CTNNA2: variants seen among roughly 807,000 people sequenced by gnomAD.
CTNNA2 encodes catenin alpha 2, also known as catenin alpha-2.
CTNNA2 carries 42 observed loss-of-function variants against 101.0 expected under a neutral mutation model. The observed-to-expected ratio is 0.42, with a 90% CI of 0.32 to 0.54. The LOEUF (loss-of-function observed/expected upper bound fraction) is 0.54, where lower values mean the gene tolerates loss of function less well. CTNNA2 is among the 20% of genes least tolerant of loss of function. The pLI, the probability that CTNNA2 is intolerant of heterozygous loss-of-function variation, is 0.14. For synonymous variants in CTNNA2, 450 were observed against 456.4 expected (o/e 0.99, Z 0.18); for missense variants, 871 against 1,223.1 (o/e 0.71, Z 4.29).
intron 7 of CTNNA2, among the ~76,000 whole-genome samples, chr2:80,052,849 C>T (rs930622790): frequency 1.2e-4 from 18 of 152,168 alleles, no homozygotes; most frequent in Admixed American, 9.2e-4. Context: ...GAAGCAGCTT[C>T]GGAGGTGTCC....
chr2:80,604,811 C>G (rs567521872), intron 16 of CTNNA2, among the ~76,000 whole-genome samples: 2 of 151,664 alleles, frequency 1.3e-5, no homozygotes, highest in Admixed American at 6.6e-5. Flanking sequence ...AAAAAGTTGT[C>G]GCGGACTCTA....
At chr2:79,862,174 C>T (rs745379730) in intron 4 of CTNNA2, among the ~76,000 whole-genome samples, 4 of 152,188 alleles carry the variant, frequency 2.6e-5, no homozygotes, top group African/African-American at 4.8e-5. Context: ...AGGCTAGATC[C>T]TGGGATAATA....
intron 7 of CTNNA2, among the ~76,000 whole-genome samples, chr2:80,032,621 T>C (rs919060878): frequency 1.3e-5 from 2 of 152,156 alleles, no homozygotes; most frequent in Admixed American, 1.3e-4. Context: ...AAACAATTAG[T>C]GCAAAGATCA....
At chr2:79,393,511 A>G (rs1255582470) in intron 4 of CTNNA2, among the ~76,000 whole-genome samples, 1 of 151,780 alleles carries the variant, frequency 6.6e-6, no homozygotes, top group Non-Finnish European at 1.5e-5. Context: ...AAAGTCTAAA[A>G]TATTTACCAT....
chr2:79,395,150 A>G (rs1446356088), intron 4 of CTNNA2, among the ~76,000 whole-genome samples: 1 of 152,148 alleles, frequency 6.6e-6, no homozygotes, highest in Non-Finnish European at 1.5e-5. Context: ...AGTGGTAGCT[A>G]AGGTCACCAC....
At chr2:80,571,148 C>T (rs1365730615) in intron 12 of CTNNA2, among the ~76,000 whole-genome samples, 2 of 152,122 alleles carry the variant, frequency 1.3e-5, no homozygotes, top group African/African-American at 4.8e-5. Flanking sequence ...CCTTTTTCAC[C>T]CCTTTATATT....
At position 79,448,984 on chromosome 2, in the gene CTNNA2, C is replaced by T. The variant is rs186872070; in HGVS notation, c.-134-56070C>T. Among the ~76,000 whole-genome samples, 90 of 152,114 alleles carry T rather than the reference C, an allele frequency of 5.9e-4. 1 individual carries two copies. The highest frequency in any genetic ancestry group is 3.4e-3 in the Middle Eastern group (1 of 294). The stretch of plus-strand genomic sequence containing the variant: ...AATCAGAAAATGCGCATTTGACTCA[C>T]TGTCAGTAGGTTTTGATTGAAGCAG... On this transcript the variant is annotated intron_variant, in intron 4 of 21. Transcript: ENST00000466387.
At chr2:80,325,926 G>T (rs2149254135) in intron 7 of CTNNA2, among the ~76,000 whole-genome samples, 1 of 152,268 alleles carries the variant, frequency 6.6e-6, no homozygotes, top group African/African-American at 2.4e-5. Context: ...GGTAGCTGGT[G>T]GGCAAACAGA....
intron 5 of CTNNA2, among the ~76,000 whole-genome samples, chr2:79,873,738 C>CT (rs35426130): frequency 0.15 from 21,969 of 147,180 alleles, 1,788 homozygotes; most frequent in East Asian, 0.36. Context: ...ACTTCCACAA[C>CT]TTTTTTTTTT....
At chr2:80,101,640 G>A (rs1360475788) in intron 7 of CTNNA2, among the ~76,000 whole-genome samples, 2 of 152,182 alleles carry the variant, frequency 1.3e-5, no homozygotes, top group Admixed American at 6.5e-5. Flanking sequence ...ACAGAAATGT[G>A]TTATCAGCGG....
intron 1 of CTNNA2, among the ~76,000 whole-genome samples, chr2:79,537,133 C>G (rs894347183): frequency 2.0e-5 from 3 of 152,120 alleles, no homozygotes; most frequent in Non-Finnish European, 4.4e-5. Flanking sequence ...TAAACCACCC[C>G]CCATTGAAGG....
intron 3 of CTNNA2, among the ~76,000 whole-genome samples, chr2:79,843,809 C>G (rs1315326770): frequency 6.6e-6 from 1 of 152,182 alleles, no homozygotes; most frequent in Non-Finnish European, 1.5e-5. Context: ...TGCCCCAACA[C>G]AATTGCTAAA....
At chr2:80,328,720 G>A (rs1671046846) in intron 7 of CTNNA2, among the ~76,000 whole-genome samples, 1 of 152,224 alleles carries the variant, frequency 6.6e-6, no homozygotes, top group African/African-American at 2.4e-5. Context: ...TGACAGTCAT[G>A]CTTCCATTAT....
intron 9 of CTNNA2, among the ~76,000 whole-genome samples, chr2:80,522,738 C>T (rs1689678536): frequency 1.3e-5 from 2 of 152,078 alleles, no homozygotes; most frequent in African/African-American, 4.8e-5. Context: ...TGCTTTCCCC[C>T]TCACCTTCCT....
intron 15 of CTNNA2, among the ~76,000 whole-genome samples, chr2:80,599,810 C>T (rs1697316143): frequency 6.6e-6 from 1 of 151,888 alleles, no homozygotes; most frequent in South Asian, 2.1e-4. Context: ...TTTTAGGGTA[C>T]ACGTGCACAA....
intron 1 of CTNNA2, among the ~76,000 whole-genome samples, chr2:79,595,885 T>C (rs1481892275): frequency 2.0e-5 from 3 of 151,060 alleles, no homozygotes; most frequent in African/African-American, 7.3e-5. Context: ...ATCCAACTCT[T>C]ATGCAGTATT....
chr2:79,441,233 C>T (rs1293348264), intron 4 of CTNNA2, among the ~76,000 whole-genome samples: 1 of 152,106 alleles, frequency 6.6e-6, no homozygotes, highest in Non-Finnish European at 1.5e-5. Context: ...TGAGGCATAC[C>T]TCTCCTTTCA....
chr2:79,874,259 G>T lies in CTNNA2; in HGVS notation c.769G>T (p.Ala257Ser), dbSNP rs1284886915. ...GGAGGCCATCGCCGGCATCTCCAAT[G>T]CTGCTCAAGCTACCTCGCCCACTGA... is the stretch of plus-strand genomic sequence containing the variant. ...VQEAIAGISN[A>S]AQATSPTDEA... is the part of the protein sequence containing the mutation. The change falls in exon 6 of 19, where the codon GCT becomes TCT. Residue 257 changes from alanine (A) to serine (S), a missense_variant. By Grantham distance (99) the Ala-to-Ser change is moderately conservative. Around this residue, in one of 5 missense-constraint regions of CTNNA2, gnomAD observed 647 missense variants for 831.5 expected, o/e 0.78. Coordinates refer to ENST00000402739, the MANE Select transcript of CTNNA2 (RefSeq NM_001282597.3). The T allele has an allele frequency of 6.2e-7, 1 of 1,613,992 alleles. No individual in the cohort carries two copies. The highest frequency in any genetic ancestry group is 8.5e-7 in the Non-Finnish European group (1 of 1,180,048).
chr2:80,243,125 G>A (rs1482965976), intron 7 of CTNNA2, among the ~76,000 whole-genome samples: 1 of 152,154 alleles, frequency 6.6e-6, no homozygotes, highest in African/African-American at 2.4e-5. Flanking sequence ...TCAGACATGA[G>A]CATGTTATTT....
Sources: allele counts gnomAD v4.1 joint callset (sites outside exome capture counted in the v4.1 genomes callset), GRCh38; gene constraint gnomAD v4.1.1; regional missense constraint gnomAD v4.1.1; transcripts MANE v1.5; gene names NCBI Gene and HGNC (gene_info 2026-07-23, HGNC 2026-07-21).